ERBB4: variants seen among roughly 807,000 people sequenced by gnomAD.
ERBB4 encodes erb-b2 receptor tyrosine kinase 4.
ERBB4 carries 42 observed loss-of-function variants against 158.0 expected under a neutral mutation model. The ratio of observed to expected loss-of-function variants is 0.27; its 90% CI spans 0.21 to 0.34. ERBB4 has a LOEUF of 0.34. ERBB4 is among the 10% of genes least tolerant of loss of function. The pLI is 1.00. For missense variants in ERBB4, 1,333 were observed against 1,624.1 expected (o/e 0.82, Z 3.08); for synonymous variants, 583 against 558.7 (o/e 1.04, Z -0.61).
Position 211,981,171 on chromosome 2 carries a change from C to T in ERBB4, c.235-33555G>A, listed in dbSNP as rs563893988. ...AAGCAAACCAATAAGTGAGAGAGGA[C>T]GCTGTTGTCTATCCTCTGCACAATG... On this transcript the variant is annotated intron_variant, in intron 2 of 27. Coordinates refer to ENST00000342788, the MANE Select transcript of ERBB4 (RefSeq NM_005235.3). Among the ~76,000 whole-genome samples the T allele has an allele frequency of 3.3e-5, 5 of 152,196 alleles. No homozygotes were observed. In the South Asian group the frequency reaches 8.3e-4, roughly 25 times the overall value.
intron 12 of ERBB4, among the ~76,000 whole-genome samples, chr2:211,690,633 T>A (rs758420664): frequency 1.5e-4 from 23 of 152,064 alleles, no homozygotes; most frequent in Non-Finnish European, 1.8e-4. Context: ...TTCTCTAGAG[T>A]GAAACCAAAG....
intron 1 of ERBB4, among the ~76,000 whole-genome samples, chr2:212,382,397 ATGTG>A (rs2090534322): frequency 6.6e-6 from 1 of 150,874 alleles, no homozygotes; most frequent in African/African-American, 2.4e-5. Flanking sequence ...CTATGTAAAA[ATGTG>A]TGTATTTTTT....
chr2:212,352,458 T>C (rs1472718020), intron 1 of ERBB4, among the ~76,000 whole-genome samples: 3 of 152,120 alleles, frequency 2.0e-5, no homozygotes, highest in Non-Finnish European at 2.9e-5. Flanking sequence ...TATTACAAAA[T>C]GTTTATCAAG....
intron 1 of ERBB4, among the ~76,000 whole-genome samples, chr2:212,326,740 T>G (rs569766954): frequency 8.6e-5 from 13 of 151,010 alleles, no homozygotes; most frequent in African/African-American, 2.9e-4. Flanking sequence ...GTTTGTTCCT[T>G]CATCTTGTTC....
chr2:211,849,054 A>T (rs980390351), intron 3 of ERBB4, among the ~76,000 whole-genome samples: 5 of 152,072 alleles, frequency 3.3e-5, no homozygotes, highest in African/African-American at 1.2e-4. Context: ...ATCCCTGCTA[A>T]TTCTTAGACT....
chr2:212,417,931 A>G (rs1320152544), intron 1 of ERBB4, among the ~76,000 whole-genome samples: 1 of 152,020 alleles, frequency 6.6e-6, no homozygotes, highest in Non-Finnish European at 1.5e-5. Context: ...AATTAGGTTT[A>G]GATGCAGTCA....
intron 1 of ERBB4, among the ~76,000 whole-genome samples, chr2:212,189,075 T>G (rs1349420906): frequency 9.1e-5 from 7 of 76,876 alleles, no homozygotes; most frequent in Admixed American, 2.5e-4. Context: ...ATTTCTAACT[T>G]TTTTTTTGGG....
At chr2:211,719,970 A>G (rs1243948903) in intron 7 of ERBB4, among the ~76,000 whole-genome samples, 1 of 152,146 alleles carries the variant, frequency 6.6e-6, no homozygotes. Context: ...TTTAAGGGAA[A>G]GTACACGGCA....
At chr2:211,712,601 TCTAC>T (rs1327039857) in intron 8 of ERBB4, among the ~76,000 whole-genome samples, 1 of 152,156 alleles carries the variant, frequency 6.6e-6, no homozygotes, top group Non-Finnish European at 1.5e-5. Context: ...ATACTAATGG[TCTAC>T]AACCTGCAAT....
chr2:212,419,110 T>G (rs1457474806), intron 1 of ERBB4, among the ~76,000 whole-genome samples: 2 of 151,826 alleles, frequency 1.3e-5, no homozygotes, highest in African/African-American at 2.4e-5. Flanking sequence ...CTTCATTTTT[T>G]TTTTTTAACA....
chr2:211,570,325 C>CTTTT (rs769458178), intron 19 of ERBB4, among the ~76,000 whole-genome samples: 9 of 105,202 alleles, frequency 8.6e-5, no homozygotes, highest in Non-Finnish European at 1.6e-4. Flanking sequence ...CTAATTTTTG[C>CTTTT]TTTTTTTTTT....
intron 1 of ERBB4, among the ~76,000 whole-genome samples, chr2:212,367,266 C>T (rs1045468082): frequency 3.9e-5 from 6 of 152,020 alleles, no homozygotes; most frequent in Admixed American, 2.6e-4. Context: ...TCCACCCATC[C>T]GTGGTGTTTT....
At chr2:212,248,794 GA>G (rs151246848) in intron 1 of ERBB4, among the ~76,000 whole-genome samples, 9,694 of 145,956 alleles carry the variant, frequency 0.066, 355 homozygotes, top group Non-Finnish European at 0.084. Context: ...TGATTCTTAG[GA>G]AAAAAAAAAC....
chr2:212,366,281 T>C (rs1560124706), intron 1 of ERBB4, among the ~76,000 whole-genome samples: 1 of 152,004 alleles, frequency 6.6e-6, no homozygotes, highest in Non-Finnish European at 1.5e-5. Context: ...CTGTGTGGCC[T>C]GGTTTGTGCA....
chr2:211,753,790 C>T (rs1457301469), intron 4 of ERBB4, among the ~76,000 whole-genome samples: 1 of 148,420 alleles, frequency 6.7e-6, no homozygotes, highest in Non-Finnish European at 1.5e-5. Flanking sequence ...TGATAACCTA[C>T]TGTCTTACTG....
At position 211,887,855 on chromosome 2, in the gene ERBB4, G is replaced by T. The variant is rs1248101577; in HGVS notation, c.421+59575C>A. ...TTGAATCTGTTTTGTTTATTAATAT[G>T]CTTCAACCACCTGGCACATTATTGC... is the stretch of plus-strand genomic sequence containing the variant. On this transcript the variant is annotated intron_variant, in intron 3 of 27. Transcript: ENST00000342788. Among the ~76,000 whole-genome samples the T allele has an allele frequency of 2.0e-5, 3 of 152,128 alleles. No individual in the cohort carries two copies. In the East Asian group the frequency reaches 5.8e-4, roughly 29 times the overall value.
chr2:211,939,814 G>C (rs1052070827), intron 3 of ERBB4, among the ~76,000 whole-genome samples: 1 of 151,960 alleles, frequency 6.6e-6, no homozygotes, highest in East Asian at 1.9e-4. Flanking sequence ...GGACATGGTG[G>C]GGGGCGCCTG....
At chr2:212,113,356 A>T (rs1010209534) in intron 2 of ERBB4, among the ~76,000 whole-genome samples, 2 of 151,982 alleles carry the variant, frequency 1.3e-5, no homozygotes, top group East Asian at 3.9e-4. Context: ...AGGGTTGATC[A>T]TGAGGTCAGG....
chr2:211,643,981 C>T (rs960781140), intron 16 of ERBB4, among the ~76,000 whole-genome samples: 8 of 151,964 alleles, frequency 5.3e-5, no homozygotes, highest in African/African-American at 1.9e-4. Flanking sequence ...ATAAAGAGAA[C>T]ATGAAGAAAC....
Sources: allele counts gnomAD v4.1 joint callset (sites outside exome capture counted in the v4.1 genomes callset), GRCh38; gene constraint gnomAD v4.1.1; transcripts MANE v1.5; gene names NCBI Gene and HGNC (gene_info 2026-07-23, HGNC 2026-07-21).